PTPRT: variants seen among roughly 807,000 people sequenced by gnomAD.
PTPRT encodes protein tyrosine phosphatase receptor type T, also known as receptor-type tyrosine-protein phosphatase T.
In PTPRT, 56 loss-of-function variants were observed where a neutral mutation model predicts 176.8. That is an observed-to-expected ratio of 0.32 (90% confidence interval 0.26 to 0.40). The LOEUF is 0.40. Among genes scored for constraint, PTPRT ranks in the 10% least tolerant of loss-of-function variants. The probability of loss-of-function intolerance (pLI) is 1.00; values close to 1 mark genes in which losing one functional copy is unlikely to be tolerated. For synonymous variants in PTPRT, 783 were observed against 739.0 expected (o/e 1.06, Z -0.96); for missense variants, 1,540 against 1,908.2 (o/e 0.81, Z 3.60).
intron 7 of PTPRT, among the ~76,000 whole-genome samples, chr20:42,546,638 C>T (rs1053114365): frequency 3.3e-5 from 5 of 152,150 alleles, no homozygotes; most frequent in Admixed American, 2.6e-4. Context: ...CCTCACTAAG[C>T]TTAATCACGT....
chr20:42,807,605 C>A (rs1312015358), intron 2 of PTPRT, among the ~76,000 whole-genome samples: 3 of 152,106 alleles, frequency 2.0e-5, no homozygotes, highest in Non-Finnish European at 4.4e-5. Flanking sequence ...CCCCACTTTT[C>A]CCTTGTCCTG....
At chr20:42,597,996 T>C (rs1455492578) in intron 7 of PTPRT, among the ~76,000 whole-genome samples, 7 of 152,278 alleles carry the variant, frequency 4.6e-5, no homozygotes, top group African/African-American at 1.4e-4. Context: ...GACTAGAACA[T>C]ATATATGCCC....
intron 18 of PTPRT, among the ~76,000 whole-genome samples, chr20:42,137,909 T>C (rs991723899): frequency 2.6e-5 from 4 of 152,172 alleles, no homozygotes; most frequent in Non-Finnish European, 4.4e-5. Context: ...TTTTCCTAGA[T>C]TGGGAGAAGA....
rs186947822 is a variant in PTPRT, at chr20:42,106,521, C to A, written c.3390+265G>T. Among the ~76,000 whole-genome samples, 8 of 152,272 alleles carry A rather than the reference C, an allele frequency of 5.3e-5. No individual in the cohort carries two copies. The East Asian group carries it at 1.5e-3, about 29-fold the overall frequency. ...CCCGAAATTTGTCATTCTGTCCCTG[C>A]TTGGATGGCCTCAGAGATGGAGAAC... On this transcript the variant is annotated intron_variant, in intron 24 of 30. Transcript: ENST00000373187.
intron 9 of PTPRT, among the ~76,000 whole-genome samples, chr20:42,364,038 C>T (rs1051266418): frequency 6.6e-6 from 1 of 151,930 alleles, no homozygotes; most frequent in Non-Finnish European, 1.5e-5. Flanking sequence ...GCACAGAGGC[C>T]AAAATTAAGG....
chr20:43,035,534 G>A (rs911895210), intron 1 of PTPRT, among the ~76,000 whole-genome samples: 1 of 152,216 alleles, frequency 6.6e-6, no homozygotes, highest in African/African-American at 2.4e-5. Context: ...TCTGGCCTCT[G>A]TTCTAGAGGA....
At chr20:42,135,820 T>G (rs1335381743) in intron 18 of PTPRT, among the ~76,000 whole-genome samples, 1 of 152,080 alleles carries the variant, frequency 6.6e-6, no homozygotes, top group African/African-American at 2.4e-5. Context: ...GTTTAATAAC[T>G]CAGGAGAAGG....
intron 13 of PTPRT, among the ~76,000 whole-genome samples, chr20:42,270,812 C>T (rs2056921919): frequency 6.6e-6 from 1 of 152,164 alleles, no homozygotes; most frequent in Non-Finnish European, 1.5e-5. Context: ...TCCCTTTCTG[C>T]ATAAATGGTG....
intron 2 of PTPRT, among the ~76,000 whole-genome samples, chr20:42,837,620 A>T (rs1277666194): frequency 6.6e-6 from 1 of 152,086 alleles, no homozygotes; most frequent in Admixed American, 6.5e-5. Flanking sequence ...TTTAACACTC[A>T]CTACATTAAC....
chr20:42,563,476 T>G (rs2072987325), intron 7 of PTPRT, among the ~76,000 whole-genome samples: 1 of 152,208 alleles, frequency 6.6e-6, no homozygotes, highest in African/African-American at 2.4e-5. Flanking sequence ...CATATAAATG[T>G]GGCCAAGTAA....
intron 1 of PTPRT, among the ~76,000 whole-genome samples, chr20:43,096,317 C>T (rs2012166687): frequency 6.6e-6 from 1 of 152,254 alleles, no homozygotes; most frequent in South Asian, 2.1e-4. Flanking sequence ...GATCATTTGC[C>T]TTCTCTTCTT....
Position 42,075,003 on chromosome 20 carries a change from C to G in PTPRT, c.*5876G>C, listed in dbSNP as rs78000376. ...AAACTGGAGCTAGAACAGCTCCCCC[C>G]ACACTCCACCACTAACCTCTCTCCC... On this transcript the variant is annotated 3_prime_UTR_variant, in exon 31 of 31. Transcript: ENST00000373187. 3 of 392,802 alleles carry G rather than the reference C, an allele frequency of 7.6e-6. No homozygotes were observed. The highest frequency in any genetic ancestry group is 8.9e-5 in the Admixed American group (2 of 22,442). 24.3% of individuals were successfully genotyped at this position (392,802 alleles called of 1,614,324 possible).
intron 11 of PTPRT, among the ~76,000 whole-genome samples, chr20:42,348,370 T>TTTTTTTTATTTA (rs1555830099): frequency 1.4e-5 from 2 of 146,526 alleles, no homozygotes; most frequent in Non-Finnish European, 3.0e-5. Flanking sequence ...GTGACATTTC[T>TTTTTTTTATTTA]TTTATTTATT....
chr20:42,215,128 G>A (rs2055737887), intron 15 of PTPRT, among the ~76,000 whole-genome samples: 1 of 152,190 alleles, frequency 6.6e-6, no homozygotes, highest in Non-Finnish European at 1.5e-5. Context: ...AGCAGAGTGT[G>A]ACCAGAATTC....
chr20:43,158,401 G>A (rs1344073405), intron 1 of PTPRT, among the ~76,000 whole-genome samples: 1 of 152,204 alleles, frequency 6.6e-6, no homozygotes, highest in African/African-American at 2.4e-5. Context: ...AATATTGGAG[G>A]CAAGAGCTCT....
intron 7 of PTPRT, among the ~76,000 whole-genome samples, chr20:42,563,601 C>T (rs747061616): frequency 1.6e-4 from 24 of 152,004 alleles, no homozygotes; most frequent in Non-Finnish European, 3.4e-4. Flanking sequence ...AACCCAAATG[C>T]CCAGAAATAG....
Position 42,969,108 on chromosome 20 carries a change from A to G in PTPRT, c.89-83176T>C, listed in dbSNP as rs564713900. On this transcript the variant is annotated intron_variant, in intron 1 of 30. Transcript: ENST00000373187. Reference sequence around the variant, plus strand: ...TAGAAGAAGATGTCACTTGTCGTTAATGGGGTGTCACACGTACACTTGCCT... The same window carrying G: ...TAGAAGAAGATGTCACTTGTCGTTAGTGGGGTGTCACACGTACACTTGCCT... 10 of 152,302 alleles carry G rather than the reference A, an allele frequency of 6.6e-5. No individual in the cohort carries two copies. The East Asian group carries it at 1.9e-3, about 29-fold the overall frequency. 9.4% of individuals were successfully genotyped at this position (152,302 alleles called of 1,614,324 possible). A position where few individuals can be genotyped will look rare whatever the true frequency, so the allele number is the denominator to read the frequency against.
chr20:42,300,139 T>C (rs2145305268), intron 12 of PTPRT, among the ~76,000 whole-genome samples: 1 of 150,814 alleles, frequency 6.6e-6, no homozygotes, highest in Non-Finnish European at 1.5e-5. Flanking sequence ...GTGCCTGTAA[T>C]CCCAGCTACT....
chr20:42,270,268 ATGGGTGGGGGGG>A (rs2056908449), intron 13 of PTPRT: 9 of 626,706 alleles, frequency 1.4e-5, no homozygotes, highest in Non-Finnish European at 1.5e-5. Flanking sequence ...TGATGGGTGA[ATGGGTGGGGGGG>A]TGGGTGGGTG....
Sources: gnomAD v4.1 joint callset for allele counts (sites outside exome capture counted in the v4.1 genomes callset) on GRCh38, gnomAD v4.1.1 for gene constraint, MANE v1.5 for transcripts, NCBI Gene and HGNC (gene_info 2026-07-23, HGNC 2026-07-21) for gene names.